The following DGKB variants were observed in gnomAD, a reference collection of about 807,000 sequenced individuals.
DGKB encodes the protein 90 kDa diacylglycerol kinase.
DGKB carries 67 observed loss-of-function variants against 114.3 expected under a neutral mutation model. The ratio of observed to expected loss-of-function variants is 0.59; its 90% confidence interval spans 0.48 to 0.72. DGKB has a LOEUF of 0.72. DGKB is among the 30% of genes least tolerant of loss of function. The pLI, the probability that DGKB is intolerant of heterozygous loss-of-function variation, is 0.00. For synonymous variants in DGKB, 398 were observed against 323.1 expected (o/e 1.23, Z -2.49); for missense variants, 907 against 975.2 (o/e 0.93, Z 0.93).
rs551904652 is a variant in DGKB, at chr7:14,683,427, T to C, written c.830-586A>G. Among the ~76,000 whole-genome samples, 26 of 152,306 alleles carry C rather than the reference T, an allele frequency of 1.7e-4. No individual in the cohort carries two copies. In the South Asian group the frequency reaches 5.0e-3, roughly 29 times the overall value. Reference sequence around the variant, plus strand: ...ACAGCCTTTGCTGGGCGGCATATTGTATACATATGGAAAAATTTATGTCAC... The same window carrying C: ...ACAGCCTTTGCTGGGCGGCATATTGCATACATATGGAAAAATTTATGTCAC... On this transcript the variant is annotated intron_variant, in intron 10 of 25. Coordinates refer to ENST00000402815, the MANE Select transcript of DGKB (RefSeq NM_001350709.2).
chr7:14,410,205 TATATATACAC>T (rs978448595), intron 21 of DGKB, among the ~76,000 whole-genome samples: 2 of 150,800 alleles, frequency 1.3e-5, no homozygotes, highest in Non-Finnish European at 3.0e-5. Flanking sequence ...ACTAAATATA[TATATATACAC>T]ATATATATAC....
chr7:14,300,101 T>C (rs1187251412), intron 23 of DGKB, among the ~76,000 whole-genome samples: 5 of 152,056 alleles, frequency 3.3e-5, no homozygotes, highest in Non-Finnish European at 7.4e-5. Context: ...AAAAATAGTA[T>C]AAAATACTAT....
chr7:14,656,344 A>G (rs1053527522), intron 13 of DGKB, among the ~76,000 whole-genome samples: 1 of 151,570 alleles, frequency 6.6e-6, no homozygotes, highest in African/African-American at 2.4e-5. Context: ...CTGAACTTAA[A>G]GTTTTAGAAG....
intron 1 of DGKB, among the ~76,000 whole-genome samples, chr7:14,849,581 T>C (rs910789450): frequency 6.6e-6 from 1 of 152,142 alleles, no homozygotes; most frequent in Non-Finnish European, 1.5e-5. Context: ...TTATTATAAA[T>C]TACCCAGTAT....
chr7:14,716,146 G>C (rs980075682), intron 6 of DGKB, among the ~76,000 whole-genome samples: 1 of 152,170 alleles, frequency 6.6e-6, no homozygotes, highest in African/African-American at 2.4e-5. Context: ...AACAACTGTT[G>C]TGTCAGGTGA....
At chr7:14,737,283 ATTTTTTTTTTTT>A (rs11348925) in intron 4 of DGKB, among the ~76,000 whole-genome samples, 55 of 82,512 alleles carry the variant, frequency 6.7e-4, no homozygotes, top group African/African-American at 2.2e-3. Flanking sequence ...TTGAAGGCCA[ATTTTTTTTTTTT>A]TTTTTTTTTT....
intron 5 of DGKB, among the ~76,000 whole-genome samples, chr7:14,731,833 C>G (rs1339021270): frequency 1.3e-5 from 2 of 152,100 alleles, no homozygotes; most frequent in Non-Finnish European, 2.9e-5. Context: ...GATTAGAGAC[C>G]TGACATTTGC....
chr7:14,180,750 C>G (rs956124427), intron 23 of DGKB, among the ~76,000 whole-genome samples: 3 of 152,174 alleles, frequency 2.0e-5, no homozygotes, highest in Non-Finnish European at 2.9e-5. Context: ...TCTTTGAGAT[C>G]AGGGTCCTGA....
At chr7:14,896,150 C>T (rs1473435673) in intron 1 of DGKB, among the ~76,000 whole-genome samples, 1 of 151,528 alleles carries the variant, frequency 6.6e-6, no homozygotes, top group African/African-American at 2.4e-5. Flanking sequence ...GTACAAATAG[C>T]AGAGTAGCCA....
At chr7:14,919,034 T>A (rs1784376693) in intron 1 of DGKB, among the ~76,000 whole-genome samples, 1 of 146,140 alleles carries the variant, frequency 6.8e-6, no homozygotes, top group Non-Finnish European at 1.5e-5. Flanking sequence ...CACTCCAGCC[T>A]GGGTGACAGA....
chr7:14,901,982 T>C (rs955982081), intron 1 of DGKB, among the ~76,000 whole-genome samples: 2 of 152,132 alleles, frequency 1.3e-5, no homozygotes, highest in Non-Finnish European at 2.9e-5. Context: ...GAGGAGATTA[T>C]TGCAGCAGGA....
chr7:14,473,625 G>A lies in DGKB; in HGVS notation c.1835+4536C>T, dbSNP rs546421957. 2.6e-5 allele frequency among the ~76,000 whole-genome samples: 4 copies of A among 152,254 alleles called. No homozygotes were observed. The South Asian group carries it at 8.3e-4, about 32-fold the overall frequency. Reference sequence around the variant, plus strand: ...CGACAGCTTGCACCATGTACCTGGAGAAGCCCCAGACACTCAATGCCAGCC... The same window carrying A: ...CGACAGCTTGCACCATGTACCTGGAAAAGCCCCAGACACTCAATGCCAGCC... On this transcript the variant is annotated intron_variant, in intron 21 of 25. Transcript: ENST00000402815.
At chr7:14,754,365 G>GA (rs1481426461) in intron 3 of DGKB, among the ~76,000 whole-genome samples, 1 of 152,012 alleles carries the variant, frequency 6.6e-6, no homozygotes, top group Non-Finnish European at 1.5e-5. Context: ...TATTTTAGAG[G>GA]ATTAACAGAA....
intron 23 of DGKB, among the ~76,000 whole-genome samples, chr7:14,323,307 G>A (rs1808144106): frequency 6.6e-6 from 1 of 152,092 alleles, no homozygotes; most frequent in African/African-American, 2.4e-5. Flanking sequence ...TTTCTGTGGT[G>A]TTGGCCGTGT....
At chr7:14,357,584 TAA>T (rs1197331506) in intron 21 of DGKB, among the ~76,000 whole-genome samples, 2 of 152,214 alleles carry the variant, frequency 1.3e-5, no homozygotes, top group African/African-American at 4.8e-5. Context: ...TTGGGGCATT[TAA>T]ACCATTTACA....
chr7:14,657,222 T>C (rs1174550104), intron 13 of DGKB, among the ~76,000 whole-genome samples: 1 of 151,822 alleles, frequency 6.6e-6, no homozygotes, highest in Non-Finnish European at 1.5e-5. Flanking sequence ...AGCACCCTAG[T>C]TCTTAATGTG....
chr7:14,326,691 C>A (rs1286741596), intron 23 of DGKB, among the ~76,000 whole-genome samples: 1 of 152,106 alleles, frequency 6.6e-6, no homozygotes, highest in Non-Finnish European at 1.5e-5. Context: ...TCTTAGAGAA[C>A]CTTGTTTTGT....
chr7:14,751,386 GTTTA>G (rs1834101605), intron 4 of DGKB, among the ~76,000 whole-genome samples: 2 of 152,152 alleles, frequency 1.3e-5, no homozygotes, highest in South Asian at 4.1e-4. Context: ...AGAGTTACTT[GTTTA>G]TTTATTTCCC....
intron 1 of DGKB, among the ~76,000 whole-genome samples, chr7:14,916,152 A>G (rs1038477083): frequency 6.6e-6 from 1 of 152,056 alleles, no homozygotes; most frequent in East Asian, 1.9e-4. Context: ...ATTAGCTGCC[A>G]ATACATATTG....
Sources: allele counts gnomAD v4.1 joint callset (sites outside exome capture counted in the v4.1 genomes callset), GRCh38; gene constraint gnomAD v4.1.1; transcripts MANE v1.5; gene names NCBI Gene and HGNC (gene_info 2026-07-23, HGNC 2026-07-21).